TRIO: variants seen among roughly 807,000 people sequenced by gnomAD.
TRIO encodes the protein triple functional domain protein.
A neutral mutation model predicts 351.9 loss-of-function variants in TRIO; 58 were observed. The ratio of observed to expected loss-of-function variants is 0.16; its 90% CI spans 0.13 to 0.21. The LOEUF is 0.21. Among genes scored for constraint, TRIO ranks in the 10% least tolerant of loss-of-function variants. TRIO has a pLI of 1.00. For synonymous variants in TRIO, 1,758 were observed against 1,595.7 expected, an observed-to-expected ratio of 1.10 and a Z score of -2.42; for missense variants, 3,201 against 4,027.8, an observed-to-expected ratio of 0.79 and a Z score of 5.56.
intron 53 of TRIO, among the ~76,000 whole-genome samples, chr5:14,500,174 C>T (rs939580988): frequency 2.0e-5 from 3 of 152,034 alleles, no homozygotes; most frequent in Non-Finnish European, 2.9e-5. Context: ...GAAGAATTAT[C>T]TTATGTGGAC....
chr5:14,461,942 T>C (rs1467547652), intron 35 of TRIO, among the ~76,000 whole-genome samples: 1 of 152,226 alleles, frequency 6.6e-6, no homozygotes, highest in Admixed American at 6.5e-5. Context: ...TATGTCCTAT[T>C]GACAAGGGAG....
chr5:14,186,919 C>T (rs184719297), intron 1 of TRIO, among the ~76,000 whole-genome samples: 2 of 152,256 alleles, frequency 1.3e-5, no homozygotes, highest in Admixed American at 1.3e-4. Context: ...GGCACAATGC[C>T]ACATGATTTT....
chr5:14,331,000 A>G, intron 10 of TRIO, 100 bp downstream of exon 10: 2 of 1,548,158 alleles, frequency 1.3e-6, no homozygotes, highest in South Asian at 2.4e-5. Context: ...CATTAGCTCG[A>G]TGTGTTTGAC....
At chr5:14,207,215 A>C (rs1469358114) in intron 1 of TRIO, among the ~76,000 whole-genome samples, 1 of 151,554 alleles carries the variant, frequency 6.6e-6, no homozygotes, top group East Asian at 1.9e-4. Context: ...GGTTGGCTTG[A>C]GGCTAGGAGT....
At chr5:14,466,899 T>A (rs1754300998) in intron 37 of TRIO, among the ~76,000 whole-genome samples, 1 of 152,226 alleles carries the variant, frequency 6.6e-6, no homozygotes, top group South Asian at 2.1e-4. Context: ...TTCCTCTACA[T>A]GGATTCTGTG....
chr5:14,299,632 G>T (rs1263161141), intron 7 of TRIO, among the ~76,000 whole-genome samples: 1 of 152,186 alleles, frequency 6.6e-6, no homozygotes, highest in Non-Finnish European at 1.5e-5. Context: ...CTAGGTCAAC[G>T]TTGTTCCCTC....
chr5:14,466,876 T>C (rs1432176775), intron 37 of TRIO, among the ~76,000 whole-genome samples: 1 of 152,234 alleles, frequency 6.6e-6, no homozygotes, highest in Non-Finnish European at 1.5e-5. Context: ...CTTTATTTAA[T>C]AACTGTATAG....
At chr5:14,414,955 T>G (rs1046291366) in intron 33 of TRIO, among the ~76,000 whole-genome samples, 2 of 152,216 alleles carry the variant, frequency 1.3e-5, no homozygotes, top group Non-Finnish European at 2.9e-5. Flanking sequence ...TGGCTGCCTA[T>G]AGTTACCCTT....
At chr5:14,456,160 G>A (rs982840977) in intron 34 of TRIO, among the ~76,000 whole-genome samples, 2 of 152,246 alleles carry the variant, frequency 1.3e-5, no homozygotes, top group African/African-American at 2.4e-5. Flanking sequence ...CTGGCCACTC[G>A]GAGTGCAGGG....
chr5:14,392,604 T>C (rs1169940157), intron 27 of TRIO, among the ~76,000 whole-genome samples: 3 of 152,232 alleles, frequency 2.0e-5, no homozygotes, highest in Non-Finnish European at 4.4e-5. Context: ...TTATAAATCA[T>C]TCTACTATAA....
chr5:14,363,788 C>T lies in TRIO; in HGVS notation c.2448C>T (p.Phe816=), dbSNP rs758409767. 62 of 1,614,030 alleles carry T rather than the reference C, an allele frequency of 3.8e-5. No homozygotes were observed. The highest frequency in any genetic ancestry group is 1.6e-4 in the Middle Eastern group (1 of 6,084). Reference sequence around the variant, plus strand: ...AGCTTTCTCAGCAAATGAATGACTTCGACACAGAAGATCTCACGATTGCAG... The same window carrying T: ...AGCTTTCTCAGCAAATGAATGACTTTGACACAGAAGATCTCACGATTGCAG... ...NDELSQQMND[F]DTEDLTIAEQ... Residue 816 remains phenylalanine, a synonymous_variant, in exon 14 of 57, where the codon TTC becomes TTT. Coordinates refer to ENST00000344204, the MANE Select transcript of TRIO (RefSeq NM_007118.4).
Position 14,401,134 on chromosome 5 carries a change from G to A in TRIO, c.4716+70G>A, listed in dbSNP as rs566984722. Reference sequence around the variant, plus strand: ...TGTGGCCATCCATGCTTGCTTTTCCGTTGTTTTCATATTATTATTATTTGT... The same window carrying A: ...TGTGGCCATCCATGCTTGCTTTTCCATTGTTTTCATATTATTATTATTTGT... On this transcript the variant is annotated intron_variant, in intron 31 of 56. Coordinates refer to ENST00000344204, the MANE Select transcript of TRIO (RefSeq NM_007118.4). 530 of 1,290,124 alleles carry A rather than the reference G, an allele frequency of 4.1e-4. 1 individual carries two copies. The highest frequency in any genetic ancestry group is 7.4e-4 in the Middle Eastern group (4 of 5,400). 79.9% of individuals were successfully genotyped at this position (1,290,124 alleles called of 1,614,324 possible).
Position 14,497,884 on chromosome 5 carries a change from GT to G in TRIO, c.8047+12del. On this transcript the variant is annotated intron_variant, in intron 51 of 56. Coordinates refer to ENST00000344204, the MANE Select transcript of TRIO (RefSeq NM_007118.4). The surrounding 1 kb of genome is among the most constrained non-coding windows in gnomAD (Gnocchi z 4.4). The stretch of plus-strand genomic sequence containing the variant: ...AACTACATTTATGACGGTGAGTTCT[GT>G]TCTTTTTCTTCTAGTCCTAGAGATG... 1 of 1,614,186 alleles carries G rather than the reference GT, an allele frequency of 6.2e-7. No homozygotes were observed. The highest frequency in any genetic ancestry group is 8.5e-7 in the Non-Finnish European group (1 of 1,180,032).
At chr5:14,161,378 A>T (rs941614038) in intron 1 of TRIO, among the ~76,000 whole-genome samples, 3 of 152,028 alleles carry the variant, frequency 2.0e-5, no homozygotes, top group African/African-American at 7.2e-5. Flanking sequence ...CTCAGCTCAA[A>T]CATCCTTTCC....
At chr5:14,506,033 G>T (rs1264048972) in intron 55 of TRIO, among the ~76,000 whole-genome samples, 1 of 152,186 alleles carries the variant, frequency 6.6e-6, no homozygotes, top group Non-Finnish European at 1.5e-5. Context: ...GGGGCGATGT[G>T]TGTGGAAGAG....
At chr5:14,274,460 G>C (rs1408084254) in intron 2 of TRIO, among the ~76,000 whole-genome samples, 1 of 152,146 alleles carries the variant, frequency 6.6e-6, no homozygotes, top group Non-Finnish European at 1.5e-5. Flanking sequence ...TTTATTAGGA[G>C]AGTCTTGTCT....
At chr5:14,154,860 A>C (rs746326816) in intron 1 of TRIO, among the ~76,000 whole-genome samples, 1 of 152,212 alleles carries the variant, frequency 6.6e-6, no homozygotes, top group East Asian at 1.9e-4. Context: ...AGTTTGCCCT[A>C]GGAGTTTCTA....
chr5:14,301,708 C>T (rs1372575207), intron 7 of TRIO, among the ~76,000 whole-genome samples: 2 of 152,166 alleles, frequency 1.3e-5, no homozygotes, highest in African/African-American at 2.4e-5. Context: ...CCAAACTTGA[C>T]CTCAGGATGC....
chr5:14,408,081 T>G (rs1035401957), intron 33 of TRIO, among the ~76,000 whole-genome samples: 1 of 152,182 alleles, frequency 6.6e-6, no homozygotes, highest in Non-Finnish European at 1.5e-5. Flanking sequence ...GCCCACTCAT[T>G]GGTAGGAAGG....
Sources: gnomAD v4.1 joint callset for allele counts (sites outside exome capture counted in the v4.1 genomes callset) on GRCh38, gnomAD v4.1.1 for gene constraint, Gnocchi (gnomAD v3.1) non-coding constraint, MANE v1.5 for transcripts, NCBI Gene and HGNC (gene_info 2026-07-23, HGNC 2026-07-21) for gene names.